Variants in RBL2 observed in about 807,000 individuals in gnomAD.
RBL2 encodes the protein RB transcriptional corepressor like 2, also known as retinoblastoma-like protein 2.
A neutral mutation model predicts 126.0 loss-of-function variants in RBL2; 56 were observed. The ratio of observed to expected loss-of-function variants is 0.44; its 90% CI spans 0.36 to 0.56. The LOEUF is 0.56. Among genes scored for constraint, RBL2 ranks in the 20% least tolerant of loss-of-function variants. The pLI is 0.00. For synonymous variants in RBL2, 454 were observed against 478.5 expected (o/e 0.95, Z 0.67); for missense variants, 1,229 against 1,398.2 (o/e 0.88, Z 1.93).
In RBL2 at chr16:53,459,466, A is replaced by C. The variant is rs768908740; in HGVS notation, c.1195A>C (p.Ile399Leu). The change falls in exon 9 of 22, where the codon ATC (isoleucine) becomes CTC (leucine). Residue 399 changes from isoleucine (I) to leucine (L), a missense_variant. Around this residue, in one of 2 missense-constraint regions of RBL2, gnomAD observed 1,070 missense variants for 1,274.3 expected, o/e 0.84. Coordinates refer to ENST00000262133, the MANE Select transcript of RBL2 (RefSeq NM_005611.4). Reference protein sequence around the residue: ...QHFDKSKALRISTPLTGVRYI... With the variant: ...QHFDKSKALRLSTPLTGVRYI... ...TTTTCTTTAGTCCAAAGCACTTAGA[A>C]TCTCCACACCACTAACTGGTGTTAG... 1 of 1,612,624 alleles carries C rather than the reference A, an allele frequency of 6.2e-7. No individual in the cohort carries two copies. The highest frequency in any genetic ancestry group is 8.5e-7 in the Non-Finnish European group (1 of 1,179,458).
chr16:53,453,759 G>A lies in RBL2; in HGVS notation c.982G>A (p.Gly328Arg). The A allele has an allele frequency of 1.2e-6, 2 of 1,607,302 alleles. No individual in the cohort carries two copies. The highest frequency in any genetic ancestry group is 2.2e-5 in the East Asian group (1 of 44,782). ...TGGGTTTCTAGAACCTGGGAACTTTGGAGAGAGTTTGTGAGTACTTCTGTA... is the reference window on the plus strand; with the variant it reads ...TGGGTTTCTAGAACCTGGGAACTTTAGAGAGAGTTTGTGAGTACTTCTGTA... ...LTGFLEPGNF[G>R]ESFKAINKAY... is the part of the protein sequence containing the mutation. The change falls in exon 7 of 22, where the codon GGA becomes AGA. Residue 328 changes from glycine to arginine, a missense_variant. Physicochemically the swap from Gly to Arg is moderately radical, Grantham distance 125. This residue lies in a region of RBL2 where 1,070 missense variants were observed against 1,274.3 expected (regional missense o/e 0.84). Transcript: ENST00000262133.
rs145923247 is a variant in RBL2, at chr16:53,455,044, T to C, written c.1179+202T>C. ...AACTTTCATTCATTTTAGTGAGGTC[T>C]GAGAAAAAGAAATTAATATAAATTT... is the stretch of plus-strand genomic sequence containing the variant. On this transcript the variant is annotated intron_variant, in intron 8 of 21. Transcript: ENST00000262133. Among the ~76,000 whole-genome samples the C allele has an allele frequency of 7.6e-3, 1,159 of 152,310 alleles. 21 individuals are homozygous for C. The highest frequency in any genetic ancestry group is 0.027 in the African/African-American group (1,113 of 41,570).
At chr16:53,440,161 T>A (rs2058001484) in intron 2 of RBL2, among the ~76,000 whole-genome samples, 1 of 151,750 alleles carries the variant, frequency 6.6e-6, no homozygotes, top group East Asian at 1.9e-4. Context: ...CCGAGTGTGG[T>A]GACATGCGCC....
chr16:53,463,561 CTTTTTTTTTT>C (rs770657237), intron 11 of RBL2, among the ~76,000 whole-genome samples: 2 of 94,404 alleles, frequency 2.1e-5, no homozygotes, highest in Non-Finnish European at 2.0e-5. Flanking sequence ...TTTTTTTTTC[CTTTTTTTTTT>C]TTTTTTTTTT....
chr16:53,464,476 A>G lies in RBL2; in HGVS notation c.1698+113A>G, dbSNP rs559622898. On this transcript the variant is annotated intron_variant, in intron 12 of 21. Transcript: ENST00000262133. The stretch of plus-strand genomic sequence containing the variant: ...GAACATTTATTCTGTTTTTATTTAC[A>G]TAGTTAATCTCTATTTGTGGAGTAG... 2 of 918,762 alleles carry G rather than the reference A, an allele frequency of 2.2e-6. 1 individual carries two copies. Among genetic ancestry groups the G allele is most frequent in the South Asian group, 3.9e-5 (2 of 51,086 alleles). 56.9% of individuals were successfully genotyped at this position (918,762 alleles called of 1,614,324 possible). A position where few individuals can be genotyped will look rare whatever the true frequency, so the allele number is the denominator to read the frequency against.
intron 11 of RBL2, 68 bp downstream of exon 11, chr16:53,462,723 GGTT>G (rs1260507598): frequency 1.0e-5 from 11 of 1,100,560 alleles, no homozygotes; most frequent in African/African-American, 8.4e-5. Flanking sequence ...CTATTCTGTG[GGTT>G]GTTTTTTTTA....
chr16:53,470,741 C>G lies in RBL2; in HGVS notation c.2527-5C>G, dbSNP rs1219459923. 1 of 1,613,680 alleles carries G rather than the reference C, an allele frequency of 6.2e-7. No individual in the cohort carries two copies. Among genetic ancestry groups the G allele is most frequent in the South Asian group, 1.1e-5 (1 of 91,016 alleles). Reference sequence around the variant, plus strand: ...AACAAAGTTTGAAATGTTTTTATCTCCTAGGTATACCATTTAGCAGCTGTC... The same window carrying G: ...AACAAAGTTTGAAATGTTTTTATCTGCTAGGTATACCATTTAGCAGCTGTC... On this transcript the variant is annotated splice_polypyrimidine_tract_variant and splice_region_variant and intron_variant, in intron 16 of 21. Coordinates refer to ENST00000262133, the MANE Select transcript of RBL2 (RefSeq NM_005611.4).
At chr16:53,442,525 A>G (rs937506947) in intron 2 of RBL2, 133 bp from the exon 3 acceptor site, 1 of 661,526 alleles carries the variant, frequency 1.5e-6, no homozygotes, top group African/African-American at 1.8e-5. Context: ...CAGAGACATG[A>G]GTTGTGATTT....
chr16:53,471,715 C>T (rs1960532011), intron 17 of RBL2, among the ~76,000 whole-genome samples: 1 of 152,098 alleles, frequency 6.6e-6, no homozygotes, highest in Admixed American at 6.6e-5. Flanking sequence ...GTGATCTGCC[C>T]ACCTCGGCCT....
At chr16:53,448,154 T>A (rs886747042) in intron 4 of RBL2, among the ~76,000 whole-genome samples, 11 of 65,926 alleles carry the variant, frequency 1.7e-4, no homozygotes, top group Admixed American at 4.7e-4. Context: ...TAGCTTAACT[T>A]ACTTTATTTT....
intron 6 of RBL2, 24 bp from the exon 7 acceptor site, chr16:53,453,681 T>C: frequency 1.2e-6 from 2 of 1,605,992 alleles, no homozygotes; most frequent in Non-Finnish European, 1.7e-6. Flanking sequence ...CATGACGACT[T>C]AAGGATCTCT....
intron 9 of RBL2, among the ~76,000 whole-genome samples, chr16:53,460,995 T>C (rs1005017796): frequency 2.0e-5 from 3 of 152,036 alleles, no homozygotes; most frequent in African/African-American, 7.2e-5. Context: ...CCAGGAACAG[T>C]TTATGTGAGT....
chr16:53,465,739 G>A, intron 13 of RBL2, 137 bp downstream of exon 13: 1 of 630,412 alleles, frequency 1.6e-6, no homozygotes, highest in Middle Eastern at 4.9e-4. Flanking sequence ...ATCTTGGACT[G>A]TAACGTCCCT....
At chr16:53,454,101 G>T (rs963838556) in intron 7 of RBL2, 9 of 406,832 alleles carry the variant, frequency 2.2e-5, no homozygotes, top group Admixed American at 1.6e-4. Context: ...CTTCTCACCG[G>T]AAGTTGCACC....
At chr16:53,477,084 G>A (rs1209957508) in intron 17 of RBL2, among the ~76,000 whole-genome samples, 1 of 140,412 alleles carries the variant, frequency 7.1e-6, no homozygotes, top group East Asian at 2.1e-4. Context: ...TGTGTGTGTA[G>A]TGGTTGCCCT....
intron 3 of RBL2, chr16:53,445,685 C>G (rs1598091990): frequency 6.6e-6 from 1 of 152,208 alleles, no homozygotes; most frequent in East Asian, 1.9e-4. Context: ...AAATGTGTCA[C>G]TATTTGTTTA....
Position 53,479,250 on chromosome 16 carries a change from G to GA in RBL2, c.2775+30dup, listed in dbSNP as rs771288480. 4.4e-6 allele frequency: 7 copies of GA among 1,585,080 alleles called. No homozygotes were observed. In the South Asian group the frequency reaches 7.7e-5, roughly 18 times the overall value. On this transcript the variant is annotated intron_variant, in intron 18 of 21. Transcript: ENST00000262133. Reference sequence around the variant, plus strand: ...GGTAACTACATTTTCTCTATGGGCTGAAAAATAAAGCTTAAAGTCTGTGAT... The same window carrying GA: ...GGTAACTACATTTTCTCTATGGGCTGAAAAAATAAAGCTTAAAGTCTGTGAT...
intron 20 of RBL2, 45 bp from the exon 21 acceptor site, chr16:53,481,620 AATAATT>A (rs761513279): frequency 4.0e-5 from 56 of 1,413,542 alleles, no homozygotes; most frequent in Non-Finnish European, 4.8e-5. Context: ...TTTCAGTAAA[AATAATT>A]ATAAATTTTT....
chr16:53,442,751 C>T lies in RBL2; in HGVS notation c.465C>T (p.Asn155=), dbSNP rs1470791403. The T allele has an allele frequency of 2.5e-6, 4 of 1,613,344 alleles. No individual in the cohort carries two copies. The South Asian group carries it at 4.4e-5, about 18-fold the overall frequency. The stretch of plus-strand genomic sequence containing the variant: ...AACGTACTGAGAGATTAGAAAGAAA[C>T]TTCACTGTTTCTGCTGTAATTTTTA... ...FRERTERLER[N]FTVSAVIFKK... The change falls in exon 3 of 22, where the codon AAC becomes AAT. Residue 155 remains asparagine (N), a synonymous_variant. Coordinates refer to ENST00000262133, the MANE Select transcript of RBL2 (RefSeq NM_005611.4).
Sources: gnomAD v4.1 joint callset for allele counts (sites outside exome capture counted in the v4.1 genomes callset) on GRCh38, gnomAD v4.1.1 for gene constraint, gnomAD v4.1.1 regional missense constraint, MANE v1.5 for transcripts, NCBI Gene and HGNC (gene_info 2026-07-23, HGNC 2026-07-21) for gene names.